TRPM3: variants seen among roughly 807,000 people sequenced by gnomAD.
TRPM3 encodes the protein long transient receptor potential channel 3.
In TRPM3, 77 loss-of-function variants were observed where a neutral mutation model predicts 181.2. The ratio of observed to expected loss-of-function variants is 0.42; its 90% CI spans 0.35 to 0.51. The LOEUF (loss-of-function observed/expected upper bound fraction) is 0.51. Among genes scored for constraint, TRPM3 ranks in the 20% least tolerant of loss-of-function variants. The pLI is 0.01. For synonymous variants in TRPM3, 745 were observed against 796.4 expected, an observed-to-expected ratio of 0.94 and a Z score of 1.09; for missense variants, 1,759 against 2,196.7, an observed-to-expected ratio of 0.80 and a Z score of 3.98.
At chr9:70,630,380 G>A (rs1363980311) in intron 12 of TRPM3, among the ~76,000 whole-genome samples, 2 of 152,236 alleles carry the variant, frequency 1.3e-5, no homozygotes, top group African/African-American at 4.8e-5. Flanking sequence ...TTCCAAGGTT[G>A]ATGTAGCTTC....
intron 4 of TRPM3, among the ~76,000 whole-genome samples, chr9:70,843,867 G>A (rs533508274): frequency 6.6e-5 from 10 of 152,220 alleles, no homozygotes; most frequent in East Asian, 1.9e-4. Context: ...ATAGGAAGAT[G>A]TATAAGATAT....
intron 1 of TRPM3, among the ~76,000 whole-genome samples, chr9:71,426,561 T>C (rs1373728898): frequency 6.6e-6 from 1 of 151,984 alleles, no homozygotes; most frequent in Non-Finnish European, 1.5e-5. Flanking sequence ...TTCGGGGACA[T>C]GAGATTGGTT....
At position 70,536,936 on chromosome 9, in the gene TRPM3, C is replaced by T; in HGVS notation, c.4177G>A (p.Ala1393Thr). 1 of 1,614,206 alleles carries T rather than the reference C, an allele frequency of 6.2e-7. No individual in the cohort carries two copies. Reference sequence around the variant, plus strand: ...ATGGCCAAGGTGTTGGCAGGGGCTGCAGGAGCTTTGGGTTCTTTTGCTACA... The same window carrying T: ...ATGGCCAAGGTGTTGGCAGGGGCTGTAGGAGCTTTGGGTTCTTTTGCTACA... The part of the protein sequence containing the change: ...HSVAKEPKAP[A>T]APANTLAIVP... Residue 1393 changes from alanine to threonine, a missense_variant, in exon 26 of 26, where the codon GCA becomes ACA. Ala to Thr is a moderately conservative substitution (Grantham distance 58, BLOSUM62 0). Around this residue, in one of 8 missense-constraint regions of TRPM3, gnomAD observed 612 missense variants for 590.0 expected, o/e 1.04. Transcript: ENST00000677713.
intron 1 of TRPM3, among the ~76,000 whole-genome samples, chr9:71,417,485 G>A (rs1354244675): frequency 6.6e-6 from 1 of 151,872 alleles, no homozygotes; most frequent in Non-Finnish European, 1.5e-5. Flanking sequence ...TGACTATTTT[G>A]TTGAAAGGCA....
chr9:70,628,060 T>C (rs1166905837), intron 12 of TRPM3, among the ~76,000 whole-genome samples: 1 of 152,210 alleles, frequency 6.6e-6, no homozygotes, highest in South Asian at 2.1e-4. Flanking sequence ...AGTTTAAAAA[T>C]AGTACTAATG....
chr9:70,773,379 ATGT>A (rs2080721243), intron 7 of TRPM3, among the ~76,000 whole-genome samples: 1 of 152,168 alleles, frequency 6.6e-6, no homozygotes, highest in South Asian at 2.1e-4. Flanking sequence ...CCACCTCATG[ATGT>A]TTATGAAATA....
chr9:71,240,441 G>A (rs544198558), intron 1 of TRPM3, among the ~76,000 whole-genome samples: 1 of 152,216 alleles, frequency 6.6e-6, no homozygotes, highest in Non-Finnish European at 1.5e-5. Flanking sequence ...GTGAGTTAAA[G>A]AATAAATGTA....
intron 1 of TRPM3, among the ~76,000 whole-genome samples, chr9:71,199,522 A>G (rs2078634379): frequency 6.6e-6 from 1 of 152,020 alleles, no homozygotes; most frequent in Non-Finnish European, 1.5e-5. Context: ...TTTGGTTGGT[A>G]AGCTATTGAT....
intron 12 of TRPM3, among the ~76,000 whole-genome samples, chr9:70,627,194 T>A (rs902272231): frequency 3.3e-5 from 5 of 151,460 alleles, no homozygotes; most frequent in Non-Finnish European, 5.9e-5. Flanking sequence ...TCAGTGGCTA[T>A]CCTCAATGGA....
At position 71,232,745 on chromosome 9, in the gene TRPM3, G is replaced by A. The variant is rs137865888; in HGVS notation, c.183+213908C>T. On this transcript the variant is annotated intron_variant, in intron 1 of 24. Transcript: ENST00000357533. The stretch of plus-strand genomic sequence containing the variant: ...TGAACTCCAGACCTCGTGATCTGCC[G>A]CCTCGGCCTCCCAAAGTGCTAGGAT... 6.3e-3 allele frequency among the ~76,000 whole-genome samples: 964 copies of A among 151,900 alleles called. 16 individuals are homozygous for A. Among genetic ancestry groups the A allele is most frequent in the African/African-American group, 0.022 (911 of 41,440 alleles).
chr9:70,750,499 G>A (rs1298591939), intron 8 of TRPM3, among the ~76,000 whole-genome samples: 1 of 152,194 alleles, frequency 6.6e-6, no homozygotes. Flanking sequence ...GAATAGCTTG[G>A]AGGACAGACA....
chr9:70,697,643 C>A (rs778769436), intron 8 of TRPM3, among the ~76,000 whole-genome samples: 1 of 152,156 alleles, frequency 6.6e-6, no homozygotes, highest in Admixed American at 6.5e-5. Flanking sequence ...AGGAGTAATT[C>A]TTTCCTCTCT....
intron 1 of TRPM3, among the ~76,000 whole-genome samples, chr9:71,019,174 T>C (rs2097818670): frequency 6.6e-6 from 1 of 151,990 alleles, no homozygotes. Flanking sequence ...ATAGTAAATA[T>C]TAAAAGCTTT....
chr9:71,083,336 G>A (rs1049609196), intron 1 of TRPM3, among the ~76,000 whole-genome samples: 4 of 151,868 alleles, frequency 2.6e-5, no homozygotes, highest in East Asian at 3.9e-4. Flanking sequence ...ATTTAATATC[G>A]GAAACAAATG....
At chr9:70,875,312 A>G (rs1264820147) in intron 1 of TRPM3, among the ~76,000 whole-genome samples, 1 of 151,932 alleles carries the variant, frequency 6.6e-6, no homozygotes, top group African/African-American at 2.4e-5. Context: ...TGTACAAGGT[A>G]TATATAGGGC....
At chr9:71,393,196 A>G (rs1449398485) in intron 1 of TRPM3, among the ~76,000 whole-genome samples, 2 of 152,194 alleles carry the variant, frequency 1.3e-5, no homozygotes, top group Non-Finnish European at 2.9e-5. Context: ...ATTGACTTTC[A>G]GGCCTATTGA....
intron 1 of TRPM3, among the ~76,000 whole-genome samples, chr9:71,033,305 C>T (rs945932838): frequency 1.3e-5 from 2 of 152,208 alleles, no homozygotes; most frequent in African/African-American, 4.8e-5. Flanking sequence ...TTTTAATATA[C>T]ACAAGCCAGC....
chr9:70,576,480 TCTCCTCCTCCTC>T (rs760840409), intron 22 of TRPM3, among the ~76,000 whole-genome samples: 2 of 139,868 alleles, frequency 1.4e-5, no homozygotes, highest in Non-Finnish European at 3.1e-5. Flanking sequence ...TTCTTCTTCT[TCTCCTCCTCCTC>T]CTCCTCCTCC....
chr9:70,549,522 C>A lies in TRPM3; in HGVS notation c.3707+20G>T. 6.2e-7 allele frequency: 1 copy of A among 1,601,862 alleles called. No individual in the cohort carries two copies. The highest frequency in any genetic ancestry group is 1.1e-5 in the South Asian group (1 of 88,044). On this transcript the variant is annotated intron_variant, in intron 25 of 25. Coordinates refer to ENST00000677713, the MANE Select transcript of TRPM3 (RefSeq NM_001366145.2). ...CTTGGCACAACACATCTGCAGGAGG[C>A]AGGTGTCCACAGAACACACCTTTCT...
Sources: gnomAD v4.1 joint callset for allele counts (sites outside exome capture counted in the v4.1 genomes callset) on GRCh38, gnomAD v4.1.1 for gene constraint, gnomAD v4.1.1 regional missense constraint, MANE v1.5 for transcripts, NCBI Gene and HGNC (gene_info 2026-07-23, HGNC 2026-07-21) for gene names.